Variants in ANKS3 observed in about 807,000 individuals in gnomAD.
The protein encoded by ANKS3 is ankyrin repeat and SAM domain-containing protein 3.
Under a neutral mutation model 80.7 loss-of-function variants are expected in ANKS3, and 62 were observed. That is an observed-to-expected ratio of 0.77 (90% CI 0.63 to 0.95). ANKS3 has a LOEUF of 0.95. Ranked by LOEUF, ANKS3 falls within the 40% of genes least tolerant of loss-of-function variation. ANKS3 has a pLI of 0.00. For synonymous variants in ANKS3, 489 were observed against 355.3 expected (o/e 1.38, Z -4.23); for missense variants, 1,150 against 883.6 (o/e 1.30, Z -3.82).
At chr16:4,729,858 G>T in intron 3 of ANKS3, 122 bp downstream of exon 3, 1 of 989,158 alleles carries the variant, frequency 1.0e-6, no homozygotes, top group Non-Finnish European at 1.4e-6. Flanking sequence ...CCTGAGATAA[G>T]CAGGTTAACC....
At chr16:4,718,746 C>T (rs1389059757) in intron 6 of ANKS3, among the ~76,000 whole-genome samples, 2 of 152,216 alleles carry the variant, frequency 1.3e-5, no homozygotes, top group African/African-American at 4.8e-5. Context: ...CCAGTCCTGC[C>T]CCATCCCCCA....
intron 7 of ANKS3, among the ~76,000 whole-genome samples, chr16:4,713,039 AT>A (rs1256933287): frequency 6.6e-6 from 1 of 152,064 alleles, no homozygotes. Context: ...GGAGGCTGAG[AT>A]GGGTGGATCA....
intron 7 of ANKS3, among the ~76,000 whole-genome samples, chr16:4,712,875 T>C (rs1459453354): frequency 2.6e-5 from 4 of 152,160 alleles, no homozygotes; most frequent in Non-Finnish European, 5.9e-5. Flanking sequence ...TATCCATCGA[T>C]ACTTAAAGAT....
chr16:4,697,190 A>C (rs1596336380), intron 16 of ANKS3, 86 bp from the exon 17 acceptor site: 1 of 1,562,510 alleles, frequency 6.4e-7, no homozygotes, highest in Non-Finnish European at 8.8e-7. Flanking sequence ...GCAGGATGTG[A>C]CCTGCCCCTC....
At chr16:4,703,085 T>A (rs2080003394) in intron 8 of ANKS3, among the ~76,000 whole-genome samples, 1 of 152,230 alleles carries the variant, frequency 6.6e-6, no homozygotes, top group Admixed American at 6.5e-5. Flanking sequence ...GGAGAAGTTT[T>A]TCTAATCAGC....
rs776832391 is a variant in ANKS3, at chr16:4,697,349, G to C, written c.1878C>G (p.Asp626Glu). The C allele has an allele frequency of 6.2e-7, 1 of 1,608,488 alleles. No homozygotes were observed. Among genetic ancestry groups the C allele is most frequent in the African/African-American group, 1.3e-5 (1 of 74,862 alleles). ...SLPELSGALE[D>E]RVREMGQALC... The stretch of plus-strand genomic sequence containing the variant: ...GAGACTCACCCATCTCACGGACACG[G>C]TCCTCCAGGGCTCCCGAGAGCTCGG... Residue 626 changes from aspartate to glutamate, a missense_variant, in exon 16 of 18, where the codon GAC (aspartate) becomes GAG (glutamate). Asp to Glu is a conservative substitution (Grantham distance 45). Transcript: ENST00000304283.
Position 4,701,443 on chromosome 16 carries a change from C to A in ANKS3, c.1110G>T (p.Glu370Asp). The change falls in exon 10 of 18, where the codon GAG becomes GAT. Residue 370 changes from glutamate to aspartate, a missense_variant. Physicochemically the swap from Glu to Asp is conservative, Grantham distance 45. Transcript: ENST00000304283. ...AAGAAAGAATCCGTACCTCGTTGCT[C>A]TCCACAGAAGCTTCGCTGCTGAGCC... ...AQGLSSEASV[E>D]SNEDSDHACK... 1 of 1,601,896 alleles carries A rather than the reference C, an allele frequency of 6.2e-7. No homozygotes were observed. The highest frequency in any genetic ancestry group is 2.0e-4 in the Middle Eastern group (1 of 5,024).
chr16:4,699,117 C>T lies in ANKS3; in HGVS notation c.1344G>A (p.Glu448=). 6.2e-7 allele frequency: 1 copy of T among 1,614,166 alleles called. No homozygotes were observed. Among genetic ancestry groups the T allele is most frequent in the Non-Finnish European group, 8.5e-7 (1 of 1,180,034 alleles). The change falls in exon 12 of 18, where the codon GAG becomes GAA. Residue 448 remains glutamate (E), a synonymous_variant. Coordinates refer to ENST00000304283, the MANE Select transcript of ANKS3 (RefSeq NM_133450.4). ...GCLKYLQVFE[E]QDVDLRIFLT... Reference sequence around the variant, plus strand: ...GAAAGATGCGGAGGTCCACGTCCTGCTCCTCAAACACCTGCAGGTACTTCA... The same window carrying T: ...GAAAGATGCGGAGGTCCACGTCCTGTTCCTCAAACACCTGCAGGTACTTCA...
chr16:4,721,472 G>A (rs1217527672), intron 6 of ANKS3, among the ~76,000 whole-genome samples: 1 of 149,886 alleles, frequency 6.7e-6, no homozygotes, highest in African/African-American at 2.4e-5. Flanking sequence ...TTGGCTGGGC[G>A]TGGTGGCACG....
intron 7 of ANKS3, among the ~76,000 whole-genome samples, chr16:4,711,876 T>A (rs965573024): frequency 2.6e-5 from 4 of 151,714 alleles, no homozygotes; most frequent in Non-Finnish European, 4.4e-5. Flanking sequence ...ATAGAAGAAA[T>A]AGAAAAACTG....
chr16:4,721,337 G>A (rs892910681), intron 6 of ANKS3, among the ~76,000 whole-genome samples: 11 of 150,448 alleles, frequency 7.3e-5, no homozygotes, highest in Admixed American at 4.7e-4. Flanking sequence ...GGCTGGGTGC[G>A]TTGGCTCGTG....
At chr16:4,714,400 G>T (rs920982338) in intron 6 of ANKS3, 1 of 637,934 alleles carries the variant, frequency 1.6e-6, no homozygotes, top group Non-Finnish European at 2.6e-6. Context: ...GATGAGGAGG[G>T]CTGGGGGCTG....
Position 4,701,488 on chromosome 16 carries a change from C to T in ANKS3, c.1065G>A (p.Glu355=), listed in dbSNP as rs201623152. ...LGPVQSSSSS[E]GLARAQGLSS... ...TGAGCCCCTGGGCTCTGGCCAGGCCCTCGCTGCTGCTGCTGCTCTGGACGG... is the reference window on the plus strand; with the variant it reads ...TGAGCCCCTGGGCTCTGGCCAGGCCTTCGCTGCTGCTGCTGCTCTGGACGG... The change falls in exon 10 of 18, where the codon GAG becomes GAA. Residue 355 remains glutamate (E), a synonymous_variant. Transcript: ENST00000304283. 29 of 1,612,104 alleles carry T rather than the reference C, an allele frequency of 1.8e-5. No individual in the cohort carries two copies. In the East Asian group the frequency reaches 6.5e-4, roughly 36 times the overall value.
intron 3 of ANKS3, 150 bp from the exon 4 acceptor site, chr16:4,727,327 A>G (rs1596456084): frequency 1.3e-6 from 1 of 762,654 alleles, no homozygotes; most frequent in East Asian, 2.7e-5. Context: ...GGAGGCAGGC[A>G]GGCAGAAAAA....
intron 6 of ANKS3, among the ~76,000 whole-genome samples, chr16:4,715,607 A>G (rs1008410287): frequency 7.9e-5 from 12 of 152,206 alleles, no homozygotes; most frequent in Non-Finnish European, 1.3e-4. Context: ...AAAAAATAAA[A>G]AAGGATCATG....
chr16:4,708,424 A>G (rs1206826250), intron 7 of ANKS3, among the ~76,000 whole-genome samples: 1 of 152,208 alleles, frequency 6.6e-6, no homozygotes, highest in Non-Finnish European at 1.5e-5. Flanking sequence ...AGCAGCAATC[A>G]GCAAAAATTC....
chr16:4,719,640 C>CAA (rs1243469672), intron 6 of ANKS3, among the ~76,000 whole-genome samples: 1 of 139,632 alleles, frequency 7.2e-6, no homozygotes, highest in African/African-American at 2.6e-5. Context: ...TTTGTCTCTA[C>CAA]AAAAAAAAAA....
chr16:4,723,261 T>G (rs1596441890), intron 6 of ANKS3, among the ~76,000 whole-genome samples: 1 of 152,194 alleles, frequency 6.6e-6, no homozygotes, highest in Admixed American at 6.5e-5. Context: ...ACAAACAATT[T>G]TAGCACATTT....
chr16:4,704,156 C>T (rs906139218), intron 8 of ANKS3, among the ~76,000 whole-genome samples: 3 of 152,216 alleles, frequency 2.0e-5, no homozygotes, highest in Admixed American at 6.5e-5. Context: ...GTCAGCTCAC[C>T]CTTCCCAGGA....
Sources: gnomAD v4.1 joint callset for allele counts (sites outside exome capture counted in the v4.1 genomes callset) on GRCh38, gnomAD v4.1.1 for gene constraint, MANE v1.5 for transcripts, NCBI Gene and HGNC (gene_info 2026-07-23, HGNC 2026-07-21) for gene names.